Variants in CNTNAP2 observed in about 807,000 individuals in gnomAD.
CNTNAP2 encodes the protein contactin-associated protein-like 2.
A neutral mutation model predicts 155.2 loss-of-function variants in CNTNAP2; 98 were observed. The ratio of observed to expected loss-of-function variants is 0.63; its 90% confidence interval spans 0.54 to 0.75. The LOEUF (loss-of-function observed/expected upper bound fraction) is 0.75. CNTNAP2 is among the 30% of genes least tolerant of loss of function. The pLI is 0.00. For synonymous variants in CNTNAP2, 651 were observed against 631.2 expected, an observed-to-expected ratio of 1.03 and a Z score of -0.47; for missense variants, 1,727 against 1,688.1, an observed-to-expected ratio of 1.02 and a Z score of -0.40.
intron 10 of CNTNAP2, among the ~76,000 whole-genome samples, chr7:147,438,638 T>A (rs1584948539): frequency 1.3e-5 from 2 of 152,164 alleles, no homozygotes; most frequent in East Asian, 3.9e-4. Flanking sequence ...CTTCCTCTAT[T>A]TTTTAGAATA....
In CNTNAP2 at chr7:147,639,222, A is replaced by G. The variant is rs778334818; in HGVS notation, c.2014A>G (p.Ile672Val). The part of the protein sequence containing the change: ...QLVYSASMDQ[I>V]SAITDSAEYC... ...CGTTTACAGCGCCTCCATGGACCAGATAAGTGCCATCACTGACAGTGCCGA... is the reference window on the plus strand; with the variant it reads ...CGTTTACAGCGCCTCCATGGACCAGGTAAGTGCCATCACTGACAGTGCCGA... The change falls in exon 13 of 24, where the codon ATA (isoleucine) becomes GTA (valine). Residue 672 changes from isoleucine (I) to valine (V), a missense_variant. Coordinates refer to ENST00000361727, the MANE Select transcript of CNTNAP2 (RefSeq NM_014141.6). The G allele has an allele frequency of 2.5e-6, 4 of 1,614,164 alleles. No homozygotes were observed. The highest frequency in any genetic ancestry group is 2.2e-5 in the East Asian group (1 of 44,872).
intron 21 of CNTNAP2, among the ~76,000 whole-genome samples, chr7:148,323,494 G>A (rs942422823): frequency 6.6e-6 from 1 of 150,846 alleles, no homozygotes; most frequent in Admixed American, 6.6e-5. Flanking sequence ...TGCTGAACCC[G>A]TATAGAGTGT....
At chr7:148,138,392 G>C (rs1805000244) in intron 16 of CNTNAP2, among the ~76,000 whole-genome samples, 1 of 152,038 alleles carries the variant, frequency 6.6e-6, no homozygotes, top group African/African-American at 2.4e-5. Context: ...TACCTCCTTT[G>C]GATGCCAAAT....
chr7:146,765,006 G>A lies in CNTNAP2; in HGVS notation c.98-9265G>A, dbSNP rs141145305. ...TCCCTTCCTCAGAAGAGGATTATTG[G>A]CAGAGAAATCAACATATAAACCAAT... On this transcript the variant is annotated intron_variant, in intron 1 of 23. Transcript: ENST00000361727. 2.4e-3 allele frequency among the ~76,000 whole-genome samples: 372 copies of A among 152,142 alleles called. 1 individual carries two copies. The highest frequency in any genetic ancestry group is 7.4e-3 in the African/African-American group (308 of 41,532).
chr7:147,719,949 A>G (rs1362716014), intron 13 of CNTNAP2, among the ~76,000 whole-genome samples: 2 of 152,100 alleles, frequency 1.3e-5, no homozygotes, highest in South Asian at 2.1e-4. Context: ...CAAAGTTAAT[A>G]TGTTCCCGCC....
At chr7:147,558,383 C>T (rs954407838) in intron 11 of CNTNAP2, among the ~76,000 whole-genome samples, 1 of 152,070 alleles carries the variant, frequency 6.6e-6, no homozygotes, top group Non-Finnish European at 1.5e-5. Context: ...ATTAGTCTAC[C>T]TTGAATTTAC....
intron 1 of CNTNAP2, among the ~76,000 whole-genome samples, chr7:146,139,754 T>G (rs1401685538): frequency 6.6e-6 from 1 of 152,142 alleles, no homozygotes; most frequent in Non-Finnish European, 1.5e-5. Context: ...GGGACCCTAT[T>G]TAAGAAGTTT....
chr7:148,238,146 C>T (rs1237444239), intron 20 of CNTNAP2, among the ~76,000 whole-genome samples: 1 of 152,122 alleles, frequency 6.6e-6, no homozygotes, highest in Non-Finnish European at 1.5e-5. Flanking sequence ...GTCAAGAGAT[C>T]GAGACCATCC....
At chr7:147,275,519 A>G (rs1208604928) in intron 8 of CNTNAP2, among the ~76,000 whole-genome samples, 1 of 152,068 alleles carries the variant, frequency 6.6e-6, no homozygotes, top group Non-Finnish European at 1.5e-5. Flanking sequence ...TGATTTTTAT[A>G]CATTGATTTT....
rs561630825 is a variant in CNTNAP2 at position 146,564,687 on chromosome 7, T to A, written c.98-209584T>A. Among the ~76,000 whole-genome samples, 714 of 151,470 alleles carry A rather than the reference T, an allele frequency of 4.7e-3. 5 individuals are homozygous for A. Among genetic ancestry groups the A allele is most frequent in the Non-Finnish European group, 9.0e-3 (611 of 67,778 alleles). On this transcript the variant is annotated intron_variant, in intron 1 of 23. Coordinates refer to ENST00000361727, the MANE Select transcript of CNTNAP2 (RefSeq NM_014141.6). ...ACTTCAATTTTATTTGAGGAACTCA[T>A]TTTTTGGCTGTCCACAACATAAGGA...
chr7:147,703,605 G>A (rs1191433510), intron 13 of CNTNAP2, among the ~76,000 whole-genome samples: 5 of 152,134 alleles, frequency 3.3e-5, no homozygotes, highest in Non-Finnish European at 5.9e-5. Flanking sequence ...ATGTATTTAT[G>A]AGATACACGT....
chr7:146,785,581 AC>A (rs371654710), intron 2 of CNTNAP2, among the ~76,000 whole-genome samples: 3 of 152,336 alleles, frequency 2.0e-5, no homozygotes, highest in African/African-American at 7.2e-5. Flanking sequence ...ATTTGCTGGT[AC>A]TTTTCTTGTT....
intron 8 of CNTNAP2, among the ~76,000 whole-genome samples, chr7:147,166,167 G>GAGATAGAT (rs74539860): frequency 1.4e-4 from 22 of 151,960 alleles, no homozygotes; most frequent in African/African-American, 3.6e-4. Flanking sequence ...AAGAAATTAT[G>GAGATAGAT]AGATAGATAG....
At chr7:147,646,772 G>T (rs1224532540) in intron 13 of CNTNAP2, among the ~76,000 whole-genome samples, 1 of 152,134 alleles carries the variant, frequency 6.6e-6, no homozygotes, top group Admixed American at 6.6e-5. Context: ...ACCAAAGCAA[G>T]TCACATGTTT....
At chr7:146,765,225 T>A (rs1466927672) in intron 1 of CNTNAP2, among the ~76,000 whole-genome samples, 1 of 152,216 alleles carries the variant, frequency 6.6e-6, no homozygotes, top group Non-Finnish European at 1.5e-5. Context: ...ACTGTACTGA[T>A]GAGTTAGACA....
intron 8 of CNTNAP2, among the ~76,000 whole-genome samples, chr7:147,252,590 C>T (rs1241649147): frequency 6.6e-6 from 1 of 152,040 alleles, no homozygotes; most frequent in African/African-American, 2.4e-5. Context: ...AATAATTTTT[C>T]TTTTAGACTG....
chr7:146,313,483 C>T (rs1043934459), intron 1 of CNTNAP2, among the ~76,000 whole-genome samples: 2 of 152,086 alleles, frequency 1.3e-5, no homozygotes, highest in Admixed American at 1.3e-4. Context: ...CGAATATTTT[C>T]TTTAAATCTG....
chr7:146,237,548 G>GT (rs1327341338), intron 1 of CNTNAP2, among the ~76,000 whole-genome samples: 1 of 152,164 alleles, frequency 6.6e-6, no homozygotes, highest in Non-Finnish European at 1.5e-5. Flanking sequence ...GAGAAAAGGA[G>GT]TAATTATTTT....
rs529356705 is a variant in CNTNAP2 at position 146,532,910 on chromosome 7, C to T, written c.98-241361C>T. On this transcript the variant is annotated intron_variant, in intron 1 of 23. Transcript: ENST00000361727. ...CCAGCCTGACCAATGTGCTGAAACC[C>T]CATCTCTACTAAAAAATAAAAATAA... is the stretch of plus-strand genomic sequence containing the variant. Among the ~76,000 whole-genome samples, 4 of 151,558 alleles carry T rather than the reference C, an allele frequency of 2.6e-5. No individual in the cohort carries two copies. In the East Asian group the frequency reaches 7.8e-4, roughly 30 times the overall value.
Sources: gnomAD v4.1 joint callset for allele counts (sites outside exome capture counted in the v4.1 genomes callset) on GRCh38, gnomAD v4.1.1 for gene constraint, MANE v1.5 for transcripts, NCBI Gene and HGNC (gene_info 2026-07-23, HGNC 2026-07-21) for gene names.